KCNH8: variants seen among roughly 807,000 people sequenced by gnomAD.
KCNH8 encodes potassium voltage-gated channel subfamily H member 8.
KCNH8 carries 70 observed loss-of-function variants against 103.6 expected under a neutral mutation model. The ratio of observed to expected loss-of-function variants is 0.68; its 90% CI spans 0.56 to 0.82. KCNH8 has a LOEUF of 0.82. Ranked by LOEUF, KCNH8 falls within the 40% of genes least tolerant of loss-of-function variation. The pLI is 0.00. For missense variants in KCNH8, 1,217 were observed against 1,329.9 expected (o/e 0.92, Z 1.32); for synonymous variants, 498 against 489.4 (o/e 1.02, Z -0.23).
At chr3:19,255,289 G>A (rs903408055) in intron 2 of KCNH8, among the ~76,000 whole-genome samples, 8 of 152,150 alleles carry the variant, frequency 5.3e-5, no homozygotes, top group Non-Finnish European at 1.2e-4. Context: ...CCTAGTCCGT[G>A]TTATTTTCTT....
chr3:19,521,824 T>A (rs1306919399), intron 15 of KCNH8, among the ~76,000 whole-genome samples: 1 of 151,948 alleles, frequency 6.6e-6, no homozygotes, highest in African/African-American at 2.4e-5. Context: ...ATGGATTGAG[T>A]AGCAAATAGA....
chr3:19,381,030 T>A (rs750964868), intron 5 of KCNH8, among the ~76,000 whole-genome samples: 1 of 152,204 alleles, frequency 6.6e-6, no homozygotes, highest in Non-Finnish European at 1.5e-5. Flanking sequence ...ATTTCACTTT[T>A]AATAGAACAC....
intron 1 of KCNH8, among the ~76,000 whole-genome samples, chr3:19,207,906 GA>G (rs2063732681): frequency 6.6e-6 from 1 of 151,864 alleles, no homozygotes; most frequent in Non-Finnish European, 1.5e-5. Flanking sequence ...ATCAAAGAGG[GA>G]AAAAATGTTT....
intron 1 of KCNH8, among the ~76,000 whole-genome samples, chr3:19,171,268 A>T (rs1473162679): frequency 2.0e-5 from 3 of 152,176 alleles, no homozygotes; most frequent in Non-Finnish European, 4.4e-5. Context: ...AAATAAACAT[A>T]AGTTTTCAAA....
At chr3:19,514,963 C>T (rs1349175215) in intron 13 of KCNH8, among the ~76,000 whole-genome samples, 1 of 151,668 alleles carries the variant, frequency 6.6e-6, no homozygotes, top group African/African-American at 2.4e-5. Context: ...CAAACAGCTA[C>T]ATTTTTAAGC....
chr3:19,449,095 T>G (rs1219837037), intron 8 of KCNH8: 1 of 479,804 alleles, frequency 2.1e-6, no homozygotes, highest in East Asian at 7.4e-5. Context: ...GAAAGTGAGG[T>G]CCATCCTTTC....
chr3:19,302,452 A>G (rs2065075069), intron 3 of KCNH8, among the ~76,000 whole-genome samples: 3 of 152,170 alleles, frequency 2.0e-5, no homozygotes, highest in Admixed American at 1.3e-4. Flanking sequence ...GGCTTCTAGG[A>G]AATTCTTTAA....
At chr3:19,349,410 G>A (rs1270755239) in intron 5 of KCNH8, among the ~76,000 whole-genome samples, 1 of 152,080 alleles carries the variant, frequency 6.6e-6, no homozygotes, top group East Asian at 1.9e-4. Context: ...CACTCCCCAT[G>A]CCCTGGTCAA....
chr3:19,475,104 G>T (rs1013980277), intron 11 of KCNH8, among the ~76,000 whole-genome samples: 1 of 152,104 alleles, frequency 6.6e-6, no homozygotes, highest in Non-Finnish European at 1.5e-5. Context: ...TGATCCAAAA[G>T]ATTGGAAGCT....
At chr3:19,224,485 TC>T (rs1299374398) in intron 1 of KCNH8, among the ~76,000 whole-genome samples, 1 of 151,958 alleles carries the variant, frequency 6.6e-6, no homozygotes, top group African/African-American at 2.4e-5. Flanking sequence ...TTTTTCTCCC[TC>T]CTTTCCAATA....
At chr3:19,202,871 G>C (rs1272643968) in intron 1 of KCNH8, among the ~76,000 whole-genome samples, 1 of 152,068 alleles carries the variant, frequency 6.6e-6, no homozygotes, top group Non-Finnish European at 1.5e-5. Context: ...TGCACAAAAA[G>C]TTTGTTGACA....
intron 7 of KCNH8, among the ~76,000 whole-genome samples, chr3:19,429,115 A>G (rs1286218144): frequency 6.6e-6 from 1 of 151,632 alleles, no homozygotes; most frequent in Non-Finnish European, 1.5e-5. Context: ...AAGCCATGAA[A>G]CAAAGTTACT....
At chr3:19,532,992 C>T (rs1449871076) in intron 15 of KCNH8, among the ~76,000 whole-genome samples, 2 of 152,062 alleles carry the variant, frequency 1.3e-5, no homozygotes, top group Non-Finnish European at 2.9e-5. Flanking sequence ...ATCACGAGGT[C>T]AGGAGATTGA....
intron 1 of KCNH8, among the ~76,000 whole-genome samples, chr3:19,226,966 A>C (rs2063939504): frequency 6.6e-6 from 1 of 152,146 alleles, no homozygotes. Flanking sequence ...CTTAGGGTCT[A>C]TTTTTGGAGC....
intron 1 of KCNH8, among the ~76,000 whole-genome samples, chr3:19,202,908 A>T (rs2063678305): frequency 6.6e-6 from 1 of 152,156 alleles, no homozygotes; most frequent in African/African-American, 2.4e-5. Flanking sequence ...GGGACTACAC[A>T]CATATCACTA....
intron 15 of KCNH8, among the ~76,000 whole-genome samples, chr3:19,521,161 A>C (rs907942892): frequency 7.9e-5 from 12 of 152,006 alleles, no homozygotes; most frequent in African/African-American, 2.9e-4. Context: ...GTTAGAGTGC[A>C]TTCTCATTTC....
At chr3:19,332,879 C>T (rs1489007259) in intron 3 of KCNH8, among the ~76,000 whole-genome samples, 3 of 152,110 alleles carry the variant, frequency 2.0e-5, no homozygotes, top group African/African-American at 4.8e-5. Flanking sequence ...GTGATCCGCC[C>T]GCCTTGGCCT....
intron 5 of KCNH8, among the ~76,000 whole-genome samples, chr3:19,389,958 A>G (rs992282124): frequency 6.6e-6 from 1 of 151,706 alleles, no homozygotes; most frequent in African/African-American, 2.4e-5. Context: ...TGACTCTGCC[A>G]CTCTTGGCAA....
At chr3:19,463,838 G>C (rs1388558474) in intron 11 of KCNH8, among the ~76,000 whole-genome samples, 2 of 152,090 alleles carry the variant, frequency 1.3e-5, no homozygotes, top group Non-Finnish European at 2.9e-5. Context: ...AGCAACCTGG[G>C]TATTCATCAC....
Sources: gnomAD v4.1 joint callset for allele counts (sites outside exome capture counted in the v4.1 genomes callset) on GRCh38, gnomAD v4.1.1 for gene constraint, MANE v1.5 for transcripts, NCBI Gene and HGNC (gene_info 2026-07-23, HGNC 2026-07-21) for gene names.